The following EFNA5 variants were observed in gnomAD, a reference collection of about 807,000 sequenced individuals.
EFNA5 encodes ephrin A5.
In EFNA5, 5 loss-of-function variants were observed where a neutral mutation model predicts 22.9. The observed-to-expected ratio is 0.22, with a 90% CI of 0.11 to 0.46. The LOEUF (loss-of-function observed/expected upper bound fraction) is 0.46, where lower values mean the gene tolerates loss of function less well. Ranked by LOEUF, EFNA5 falls within the 20% of genes least tolerant of loss-of-function variation. The pLI is 0.99. For synonymous variants in EFNA5, 113 were observed against 112.2 expected, an observed-to-expected ratio of 1.01 and a Z score of -0.04; for missense variants, 237 against 293.3, an observed-to-expected ratio of 0.81 and a Z score of 1.40.
rs1351567919 is a variant in EFNA5, at chr5:107,377,582, AAC to A, written c.*3671_*3672del. On this transcript the variant is annotated 3_prime_UTR_variant, in exon 5 of 5. Coordinates refer to ENST00000333274, the MANE Select transcript of EFNA5 (RefSeq NM_001962.3). The stretch of plus-strand genomic sequence containing the variant: ...TGCCGTTGCTAAGGCACCGGAGAAA[AAC>A]AGAGTCCCTGAAAATCCACAGGTAC... The A allele has an allele frequency of 6.6e-6, 1 of 152,206 alleles. No homozygotes were observed. Among genetic ancestry groups the A allele is most frequent in the Non-Finnish European group, 1.5e-5 (1 of 68,030 alleles). The allele number at this position is 152,206 out of a possible 1,614,324, so 9.4% of individuals were successfully genotyped here. A position where few individuals can be genotyped will look rare whatever the true frequency, so the allele number is the denominator to read the frequency against.
intron 1 of EFNA5, among the ~76,000 whole-genome samples, chr5:107,503,050 G>A (rs953537271): frequency 6.6e-6 from 1 of 152,186 alleles, no homozygotes; most frequent in African/African-American, 2.4e-5. Flanking sequence ...GTGGATAATG[G>A]AAGCTAAAAT....
intron 1 of EFNA5, among the ~76,000 whole-genome samples, chr5:107,552,880 G>C (rs1380335357): frequency 6.6e-6 from 1 of 152,166 alleles, no homozygotes; most frequent in Non-Finnish European, 1.5e-5. Context: ...CTGACATTTT[G>C]AGCAATAATT....
At chr5:107,472,614 T>C (rs547416311) in intron 1 of EFNA5, among the ~76,000 whole-genome samples, 16 of 152,344 alleles carry the variant, frequency 1.1e-4, no homozygotes, top group African/African-American at 3.8e-4. Flanking sequence ...GCAAAAGGCA[T>C]GCTTCAGGTG....
At chr5:107,597,044 G>C (rs1749488022) in intron 1 of EFNA5, among the ~76,000 whole-genome samples, 1 of 152,092 alleles carries the variant, frequency 6.6e-6, no homozygotes, top group Non-Finnish European at 1.5e-5. Flanking sequence ...CCTGTAAATT[G>C]AGGTTTAAAA....
At chr5:107,669,156 T>C (rs966216375) in intron 1 of EFNA5, among the ~76,000 whole-genome samples, 2 of 151,930 alleles carry the variant, frequency 1.3e-5, no homozygotes, top group African/African-American at 4.8e-5. Context: ...CTTGCCTGCA[T>C]GCTGAGGGGA....
At chr5:107,611,761 AGG>A (rs1749822583) in intron 1 of EFNA5, among the ~76,000 whole-genome samples, 1 of 152,246 alleles carries the variant, frequency 6.6e-6, no homozygotes, top group Admixed American at 6.5e-5. Context: ...GCAGCAGGCC[AGG>A]GCTCGGATGG....
At chr5:107,662,657 G>C (rs1221333538) in intron 1 of EFNA5, among the ~76,000 whole-genome samples, 1 of 151,986 alleles carries the variant, frequency 6.6e-6, no homozygotes, top group Non-Finnish European at 1.5e-5. Flanking sequence ...GATAGGAAGA[G>C]CCTATATTTC....
intron 1 of EFNA5, among the ~76,000 whole-genome samples, chr5:107,616,533 G>C (rs975529818): frequency 1.3e-5 from 2 of 152,104 alleles, no homozygotes; most frequent in African/African-American, 4.8e-5. Context: ...CATGAATAAA[G>C]TCCATGCACA....
chr5:107,443,654 G>C (rs1025518530), intron 1 of EFNA5, among the ~76,000 whole-genome samples: 4 of 152,030 alleles, frequency 2.6e-5, no homozygotes, highest in African/African-American at 9.7e-5. Flanking sequence ...AGTGGGAATT[G>C]AACAATGAGA....
intron 1 of EFNA5, among the ~76,000 whole-genome samples, chr5:107,549,069 T>A (rs909696106): frequency 6.6e-6 from 1 of 152,324 alleles, no homozygotes; most frequent in East Asian, 1.9e-4. Flanking sequence ...ATTTCTTTTC[T>A]ATGCAATCTA....
At chr5:107,407,857 G>C (rs1748264217) in intron 2 of EFNA5, among the ~76,000 whole-genome samples, 1 of 152,082 alleles carries the variant, frequency 6.6e-6, no homozygotes, top group Admixed American at 6.6e-5. Flanking sequence ...CTCTGACATA[G>C]GGTTGGTCAT....
chr5:107,531,798 T>C (rs1217224738), intron 1 of EFNA5, among the ~76,000 whole-genome samples: 14 of 152,218 alleles, frequency 9.2e-5, no homozygotes, highest in Admixed American at 8.5e-4. Flanking sequence ...AGGAATTCAT[T>C]TACACTGCTT....
At chr5:107,454,487 C>G (rs756945326) in intron 1 of EFNA5, among the ~76,000 whole-genome samples, 1 of 152,048 alleles carries the variant, frequency 6.6e-6, no homozygotes, top group Non-Finnish European at 1.5e-5. Context: ...GATGACCAGT[C>G]TCTCAGTTTT....
At chr5:107,648,381 C>CTA (rs1750667912) in intron 1 of EFNA5, among the ~76,000 whole-genome samples, 1 of 152,134 alleles carries the variant, frequency 6.6e-6, no homozygotes, top group Admixed American at 6.6e-5. Flanking sequence ...AATTAAAATA[C>CTA]TATATACAAG....
chr5:107,595,807 T>TC (rs1749462173), intron 1 of EFNA5, among the ~76,000 whole-genome samples: 1 of 152,160 alleles, frequency 6.6e-6, no homozygotes, highest in Admixed American at 6.6e-5. Context: ...GTCCTCAATT[T>TC]ACTGATCTCT....
chr5:107,477,425 A>G (rs1221050485), intron 1 of EFNA5, among the ~76,000 whole-genome samples: 1 of 152,210 alleles, frequency 6.6e-6, no homozygotes, highest in Non-Finnish European at 1.5e-5. Flanking sequence ...TATGTGATTT[A>G]AAACAAGCAG....
rs1025432830 is a variant in EFNA5 at position 107,460,197 on chromosome 5, G to A, written c.126-32688C>T. On this transcript the variant is annotated intron_variant, in intron 1 of 4. Coordinates refer to ENST00000333274, the MANE Select transcript of EFNA5 (RefSeq NM_001962.3). ...GGAATAAAAGCAGAACATATGTAAA[G>A]GCTTGGAAAGTATCTCCTTTTTGAT... 2.6e-5 allele frequency among the ~76,000 whole-genome samples: 4 copies of A among 152,126 alleles called. No homozygotes were observed. The East Asian group carries it at 5.8e-4, about 22-fold the overall frequency.
intron 1 of EFNA5, among the ~76,000 whole-genome samples, chr5:107,482,868 C>A (rs369323206): frequency 0.11 from 4,716 of 41,446 alleles, 80 homozygotes; most frequent in East Asian, 0.22. Context: ...CTCTCTCTCT[C>A]TCTATATATA....
At chr5:107,425,336 C>T (rs1319941389) in intron 2 of EFNA5, among the ~76,000 whole-genome samples, 1 of 151,942 alleles carries the variant, frequency 6.6e-6, no homozygotes, top group Non-Finnish European at 1.5e-5. Flanking sequence ...TTGATTTTTG[C>T]TTTTGCTGTT....
Sources: gnomAD v4.1 joint callset for allele counts (sites outside exome capture counted in the v4.1 genomes callset) on GRCh38, gnomAD v4.1.1 for gene constraint, MANE v1.5 for transcripts, NCBI Gene and HGNC (gene_info 2026-07-23, HGNC 2026-07-21) for gene names.